MAP2K5: variants seen among roughly 807,000 people sequenced by gnomAD.
MAP2K5 encodes the protein mitogen-activated protein kinase kinase 5.
Under a neutral mutation model 83.1 loss-of-function variants are expected in MAP2K5, and 49 were observed. That is an observed-to-expected ratio of 0.59 (90% confidence interval 0.47 to 0.75). The LOEUF (loss-of-function observed/expected upper bound fraction) is 0.75. MAP2K5 is among the 30% of genes least tolerant of loss of function. The pLI, the probability that MAP2K5 is intolerant of heterozygous loss-of-function variation, is 0.00. For synonymous variants in MAP2K5, 202 were observed against 191.8 expected (o/e 1.05, Z -0.44); for missense variants, 457 against 557.5 (o/e 0.82, Z 1.82).
chr15:67,618,997 G>A (rs1272535168), intron 8 of MAP2K5, among the ~76,000 whole-genome samples: 1 of 152,060 alleles, frequency 6.6e-6, no homozygotes, highest in Non-Finnish European at 1.5e-5. Context: ...TCCTCACCAT[G>A]GCCTAAATGG....
chr15:67,703,506 TC>T, intron 16 of MAP2K5, 98 bp downstream of exon 16: 1 of 986,580 alleles, frequency 1.0e-6, no homozygotes, highest in Non-Finnish European at 1.6e-6. Context: ...AAATAAACCT[TC>T]AGCATGTTAT....
intron 8 of MAP2K5, chr15:67,628,011 T>C: frequency 1.3e-6 from 1 of 744,158 alleles, no homozygotes; most frequent in South Asian, 1.3e-5. Flanking sequence ...CAAGTGCTCC[T>C]GGGGCTTTGG....
At chr15:67,582,221 C>A (rs1394052380) in intron 4 of MAP2K5, among the ~76,000 whole-genome samples, 3 of 151,894 alleles carry the variant, frequency 2.0e-5, no homozygotes, top group Non-Finnish European at 4.4e-5. Context: ...GTCACCACAC[C>A]CAGCTAATTT....
intron 3 of MAP2K5, among the ~76,000 whole-genome samples, chr15:67,575,307 T>A (rs1346449140): frequency 7.0e-6 from 1 of 142,042 alleles, no homozygotes; most frequent in Non-Finnish European, 1.5e-5. Context: ...GATGGGGTAA[T>A]AACCACTTAC....
In MAP2K5 at chr15:67,664,541, G is replaced by A. The variant is rs2087324008; in HGVS notation, c.799-56G>A. ...TGTTGAATGTATTTAAATATGGAAA[G>A]TTCCTTTTAAAAACCATAATTGATA... On this transcript the variant is annotated intron_variant, in intron 12 of 21. Transcript: ENST00000178640. 6.2e-6 allele frequency: 7 copies of A among 1,128,464 alleles called. No individual in the cohort carries two copies. The East Asian group carries it at 9.5e-5, about 15-fold the overall frequency. The allele number at this position is 1,128,464 out of a possible 1,614,324, so 69.9% of individuals were successfully genotyped here.
intron 21 of MAP2K5, among the ~76,000 whole-genome samples, chr15:67,799,931 AC>A (rs1158669463): frequency 1.3e-5 from 2 of 151,630 alleles, no homozygotes; most frequent in Non-Finnish European, 2.9e-5. Flanking sequence ...CTGTCACTCC[AC>A]GCAGAGTGGG....
chr15:67,547,245 T>A (rs564200430), intron 1 of MAP2K5, among the ~76,000 whole-genome samples: 4 of 152,278 alleles, frequency 2.6e-5, no homozygotes, highest in African/African-American at 9.6e-5. Flanking sequence ...TGTCTTTATC[T>A]CTGTAACCAG....
chr15:67,806,687 C>G lies in MAP2K5; in HGVS notation c.1284C>G (p.Ala428=). 1 of 1,551,640 alleles carries G rather than the reference C, an allele frequency of 6.4e-7. No homozygotes were observed. The highest frequency in any genetic ancestry group is 8.7e-7 in the Non-Finnish European group (1 of 1,147,384). The change falls in exon 22 of 22, where the codon GCC becomes GCG. Residue 428 remains alanine (A), a synonymous_variant. Coordinates refer to ENST00000178640, the MANE Select transcript of MAP2K5 (RefSeq NM_145160.3). ...TGCAGTTCAATGATGGAAATGCCGC[C>G]GTGGTGTCCATGTGGGTGTGCCGGG... ...FIVQFNDGNA[A]VVSMWVCRAL... is the part of the protein sequence containing the mutation.
intron 8 of MAP2K5, among the ~76,000 whole-genome samples, chr15:67,629,621 G>A (rs907411169): frequency 2.0e-5 from 3 of 151,976 alleles, no homozygotes; most frequent in African/African-American, 7.3e-5. Flanking sequence ...TTTACAACTG[G>A]GCAGGTGAAG....
intron 8 of MAP2K5, chr15:67,628,434 C>G (rs62016178): frequency 3.6e-6 from 2 of 553,042 alleles, no homozygotes. Context: ...GAGCCAAGAT[C>G]GTGCCACTGC....
rs988240883 is a variant in MAP2K5, at chr15:67,572,162, T to G, written c.253-8592T>G. On this transcript the variant is annotated intron_variant, in intron 3 of 21. Coordinates refer to ENST00000178640, the MANE Select transcript of MAP2K5 (RefSeq NM_145160.3). The surrounding 1 kb of genome is among the most constrained non-coding windows in gnomAD (Gnocchi z 4.2). ...TAGGACAAGGGGACTAGGAAGGATG[T>G]TTGGGGCAGAAAGAACAGTGTGTTT... Among the ~76,000 whole-genome samples the G allele has an allele frequency of 2.0e-5, 3 of 152,078 alleles. No individual in the cohort carries two copies. Among genetic ancestry groups the G allele is most frequent in the Admixed American group, 2.0e-4 (3 of 15,268 alleles).
At chr15:67,806,559 G>A (rs2090812237) in intron 21 of MAP2K5, 87 bp from the exon 22 acceptor site, 13 of 1,172,116 alleles carry the variant, frequency 1.1e-5, no homozygotes, top group Non-Finnish European at 1.4e-5. Flanking sequence ...AAAGAGATCA[G>A]ATCCAGGCTG....
chr15:67,657,639 C>T (rs567931954), intron 11 of MAP2K5, among the ~76,000 whole-genome samples: 7 of 151,414 alleles, frequency 4.6e-5, no homozygotes, highest in Non-Finnish European at 4.4e-5. Flanking sequence ...TTGTTCCAAT[C>T]TGCAAACTAC....
At position 67,719,075 on chromosome 15, in the gene MAP2K5, G is replaced by C. The variant is rs1018365991; in HGVS notation, c.1045-8841G>C. On this transcript the variant is annotated intron_variant, in intron 16 of 21. Coordinates refer to ENST00000178640, the MANE Select transcript of MAP2K5 (RefSeq NM_145160.3). This position sits in a 1 kb window ranked among gnomAD's most constrained non-coding sequence, Gnocchi z 4.6. Reference sequence around the variant, plus strand: ...TTGCCAACTACCCTTCCCAGCCTCTGGTAACCATCATTCTACTGTCTATCT... The same window carrying C: ...TTGCCAACTACCCTTCCCAGCCTCTCGTAACCATCATTCTACTGTCTATCT... Among the ~76,000 whole-genome samples the C allele has an allele frequency of 3.5e-4, 53 of 151,910 alleles. No individual in the cohort carries two copies. Among genetic ancestry groups the C allele is most frequent in the African/African-American group, 1.3e-3 (53 of 41,314 alleles).
At chr15:67,590,440 TCC>T (rs2085377176) in intron 6 of MAP2K5, among the ~76,000 whole-genome samples, 6 of 50,778 alleles carry the variant, frequency 1.2e-4, no homozygotes, top group African/African-American at 3.5e-4. Flanking sequence ...TCTCTCTCCC[TCC>T]CTCCCTCTCT....
At chr15:67,672,979 C>T (rs1340546758) in intron 13 of MAP2K5, among the ~76,000 whole-genome samples, 3 of 151,860 alleles carry the variant, frequency 2.0e-5, no homozygotes, top group South Asian at 2.1e-4. Flanking sequence ...TGTAGATATG[C>T]GGTGTTATTT....
At position 67,748,666 on chromosome 15, in the gene MAP2K5, T is replaced by C; in HGVS notation, c.1134+65T>C. 3 of 1,514,384 alleles carry C rather than the reference T, an allele frequency of 2.0e-6. No individual in the cohort carries two copies. Among genetic ancestry groups the C allele is most frequent in the Non-Finnish European group, 2.7e-6 (3 of 1,093,876 alleles). The allele number at this position is 1,514,384 out of a possible 1,614,324, so 93.8% of individuals were successfully genotyped here. On this transcript the variant is annotated intron_variant, in intron 19 of 21. Coordinates refer to ENST00000178640, the MANE Select transcript of MAP2K5 (RefSeq NM_145160.3). The surrounding 1 kb of genome is among the most constrained non-coding windows in gnomAD (Gnocchi z 4.0). ...TCCTAATGGTGTGGAAAGCTTATATTTTGTTTCCTAATGAAGCACAATGCC... is the reference window on the plus strand; with the variant it reads ...TCCTAATGGTGTGGAAAGCTTATATCTTGTTTCCTAATGAAGCACAATGCC...
Position 67,774,352 on chromosome 15 carries a change from A to T in MAP2K5, c.1242+1600A>T, listed in dbSNP as rs1346747626. On this transcript the variant is annotated intron_variant, in intron 21 of 21. Coordinates refer to ENST00000178640, the MANE Select transcript of MAP2K5 (RefSeq NM_145160.3). The surrounding 1 kb of genome is among the most constrained non-coding windows in gnomAD (Gnocchi z 4.9). Reference sequence around the variant, plus strand: ...AGCACCATTCCATACTTAATTTAACATTATTTCTAGTACTGCTCACTGTTT... The same window carrying T: ...AGCACCATTCCATACTTAATTTAACTTTATTTCTAGTACTGCTCACTGTTT... Among the ~76,000 whole-genome samples, 1 of 152,120 alleles carries T rather than the reference A, an allele frequency of 6.6e-6. No individual in the cohort carries two copies. Among genetic ancestry groups the T allele is most frequent in the Non-Finnish European group, 1.5e-5 (1 of 68,024 alleles).
At chr15:67,612,123 G>C (rs1431937240) in intron 8 of MAP2K5, among the ~76,000 whole-genome samples, 2 of 143,998 alleles carry the variant, frequency 1.4e-5, no homozygotes, top group East Asian at 2.0e-4. Flanking sequence ...TAGTTTATGA[G>C]TGTATTTAAA....
Sources: allele counts gnomAD v4.1 joint callset (sites outside exome capture counted in the v4.1 genomes callset), GRCh38; gene constraint gnomAD v4.1.1; non-coding constraint Gnocchi (gnomAD v3.1); transcripts MANE v1.5; gene names NCBI Gene and HGNC (gene_info 2026-07-23, HGNC 2026-07-21).